Variants in VPS13C observed in about 807,000 individuals in gnomAD.
VPS13C encodes vacuolar protein sorting 13 homolog C.
Under a neutral mutation model 456.8 loss-of-function variants are expected in VPS13C, and 358 were observed. The ratio of observed to expected loss-of-function variants is 0.78; its 90% CI spans 0.72 to 0.86. VPS13C has a LOEUF of 0.86. Ranked by LOEUF, VPS13C falls within the 40% of genes least tolerant of loss-of-function variation. The probability of loss-of-function intolerance (pLI) is 0.00; values close to 1 mark genes in which losing one functional copy is unlikely to be tolerated. For synonymous variants in VPS13C, 1,578 were observed against 1,486.7 expected, an observed-to-expected ratio of 1.06 and a Z score of -1.41; for missense variants, 4,818 against 4,385.4, an observed-to-expected ratio of 1.10 and a Z score of -2.79.
At position 61,982,580 on chromosome 15, in the gene VPS13C, G is replaced by C. The variant is rs2045920677; in HGVS notation, c.1915-7C>G. ...CCACTGCATTGACAGTTTTCTATAA[G>C]AAAATTTTTTTAACATAACCAAGTT... is the stretch of plus-strand genomic sequence containing the variant. On this transcript the variant is annotated splice_polypyrimidine_tract_variant and splice_region_variant and intron_variant, in intron 20 of 84. Transcript: ENST00000644861. 1 of 1,590,284 alleles carries C rather than the reference G, an allele frequency of 6.3e-7. No individual in the cohort carries two copies. Among genetic ancestry groups the C allele is most frequent in the Non-Finnish European group, 8.5e-7 (1 of 1,172,700 alleles).
chr15:61,920,571 T>A lies in VPS13C; in HGVS notation c.7139A>T (p.His2380Leu), dbSNP rs139993005. The A allele has an allele frequency of 6.8e-5, 107 of 1,585,032 alleles. 1 individual carries two copies. In the South Asian group the frequency reaches 1.2e-3, roughly 18 times the overall value. ...DFIPEPQMAI[H>L]ISSGNTMNIT... is the part of the protein sequence containing the mutation. The stretch of plus-strand genomic sequence containing the variant: ...ATTCATTGTATTTCCTGAAGAAATA[T>A]GAATTGCCATTTGTGGCTCAGGAAT... The change falls in exon 56 of 85, where the codon CAT (histidine) becomes CTT (leucine). Residue 2380 changes from histidine to leucine, a missense_variant. Around this residue, in one of 3 missense-constraint regions of VPS13C, gnomAD observed 4,552 missense variants for 4,130.6 expected, o/e 1.10. Coordinates refer to ENST00000644861, the MANE Select transcript of VPS13C (RefSeq NM_020821.3).
At chr15:61,904,230 A>C (rs1464127234) in intron 66 of VPS13C, among the ~76,000 whole-genome samples, 1 of 152,024 alleles carries the variant, frequency 6.6e-6, no homozygotes, top group Non-Finnish European at 1.5e-5. Flanking sequence ...CTATCTGTCT[A>C]ATAAGAGATT....
At chr15:61,916,380 C>T (rs1307071473) in intron 60 of VPS13C, among the ~76,000 whole-genome samples, 1 of 152,120 alleles carries the variant, frequency 6.6e-6, no homozygotes, top group Non-Finnish European at 1.5e-5. Flanking sequence ...CAGTTTTATC[C>T]TCTAATTATA....
chr15:62,035,819 C>T (rs2047977676), intron 3 of VPS13C, among the ~76,000 whole-genome samples: 1 of 151,962 alleles, frequency 6.6e-6, no homozygotes, highest in Non-Finnish European at 1.5e-5. Context: ...GGTGAGCCCA[C>T]AAAAAACTTT....
rs1296911975 is a variant in VPS13C at position 61,853,227 on chromosome 15, T to C, written c.*1230A>G. ...ACAACCAAAGAATTTTCATTCTTCT[T>C]AGTAAGTATTTAAAATACATTCTAG... On this transcript the variant is annotated 3_prime_UTR_variant, in exon 85 of 85. Transcript: ENST00000644861. The C allele has an allele frequency of 2.6e-5, 4 of 152,200 alleles. No individual in the cohort carries two copies. The highest frequency in any genetic ancestry group is 9.6e-5 in the African/African-American group (4 of 41,452). The allele number at this position is 152,200 out of a possible 1,614,324, so 9.4% of individuals were successfully genotyped here. A position where few individuals can be genotyped will look rare whatever the true frequency, so the allele number is the denominator to read the frequency against.
rs139167388 is a variant in VPS13C, at chr15:61,922,020, T to C, written c.6989A>G (p.Asn2330Ser). Reference protein sequence around the residue: ...ADVTLQVHYYNEIHAVWEPLI... With the variant: ...ADVTLQVHYYSEIHAVWEPLI... The stretch of plus-strand genomic sequence containing the variant: ...TGGCTCCCAGACAGCATGGATCTCA[T>C]TGTAATAGTGCACCTGGAAAGATAC... The change falls in exon 55 of 85, where the codon AAT becomes AGT. Residue 2330 changes from asparagine (N) to serine (S), a missense_variant. By Grantham distance (46) the Asn-to-Ser change is conservative. Around this residue, in one of 3 missense-constraint regions of VPS13C, gnomAD observed 4,552 missense variants for 4,130.6 expected, o/e 1.10. Transcript: ENST00000644861. The C allele has an allele frequency of 5.6e-6, 9 of 1,613,470 alleles. No individual in the cohort carries two copies. The highest frequency in any genetic ancestry group is 5.3e-5 in the African/African-American group (4 of 74,932).
intron 51 of VPS13C, among the ~76,000 whole-genome samples, chr15:61,929,077 A>G (rs1422165632): frequency 6.6e-6 from 1 of 152,228 alleles, no homozygotes; most frequent in African/African-American, 2.4e-5. Flanking sequence ...ACAGAGTTTA[A>G]GGAGTTAAAG....
chr15:61,959,499 C>A lies in VPS13C; in HGVS notation c.4005G>T (p.Trp1335Cys), dbSNP rs1188375042. 3.7e-6 allele frequency: 6 copies of A among 1,612,968 alleles called. No individual in the cohort carries two copies. The highest frequency in any genetic ancestry group is 5.1e-6 in the Non-Finnish European group (6 of 1,179,284). Residue 1335 changes from tryptophan (W) to cysteine (C), a missense_variant, in exon 36 of 85, where the codon TGG (tryptophan) becomes TGT (cysteine). Physicochemically the swap from Trp to Cys is radical, Grantham distance 215. Around this residue, in one of 3 missense-constraint regions of VPS13C, gnomAD observed 4,552 missense variants for 4,130.6 expected, o/e 1.10. Transcript: ENST00000644861. Reference protein sequence around the residue: ...FLVNRNLAASWYHKVPVVEIK... With the variant: ...FLVNRNLAASCYHKVPVVEIK... ...TTTCCACAACAGGCACCTTGTGGTA[C>A]CAAGATGCAGCTAGATTCCGATTTA... is the stretch of plus-strand genomic sequence containing the variant.
At chr15:61,947,378 A>T (rs2044641715) in intron 42 of VPS13C, 69 bp from the exon 43 acceptor site, 2 of 1,159,904 alleles carry the variant, frequency 1.7e-6, no homozygotes, top group Non-Finnish European at 2.5e-6. Context: ...ATAACCTCAA[A>T]TCCACCAAAA....
At chr15:61,863,757 G>T (rs1894356587) in intron 81 of VPS13C, 1 of 346,560 alleles carries the variant, frequency 2.9e-6, no homozygotes, top group African/African-American at 2.1e-5. Flanking sequence ...TTACCAAGTG[G>T]TCTTCTGGTA....
intron 45 of VPS13C, among the ~76,000 whole-genome samples, chr15:61,944,768 A>C (rs2140269970): frequency 6.6e-6 from 1 of 152,308 alleles, no homozygotes; most frequent in Non-Finnish European, 1.5e-5. Context: ...CCCTGAATCT[A>C]AAATAGTTGG....
chr15:62,023,785 G>C lies in VPS13C; in HGVS notation c.509C>G (p.Ser170Ter). Residue 170 changes from serine to a stop codon, truncating the protein, a stop_gained, in exon 7 of 85, where the codon TCA (serine) becomes TGA (stop). Coordinates refer to ENST00000644861, the MANE Select transcript of VPS13C (RefSeq NM_020821.3). LOFTEE classifies it high-confidence loss of function. Reference protein sequence around the residue: ...FKKPFKGLDRSKDKPKEAKKD... With the variant: ...FKKPFKGLDR ...ATAAAACTACTTTTACCTACCTTTT[G>C]AACGATCAAGACCTTTAAAAGGTTT... 1.2e-6 allele frequency: 2 copies of C among 1,609,726 alleles called. No homozygotes were observed. Among genetic ancestry groups the C allele is most frequent in the Non-Finnish European group, 8.5e-7 (1 of 1,177,538 alleles).
intron 37 of VPS13C, among the ~76,000 whole-genome samples, chr15:61,956,691 T>C (rs780414203): frequency 1.3e-5 from 2 of 152,092 alleles, no homozygotes; most frequent in Non-Finnish European, 2.9e-5. Context: ...AATAACCATA[T>C]GAAAAGGTGA....
At chr15:61,897,575 A>C (rs1453446961) in intron 66 of VPS13C, among the ~76,000 whole-genome samples, 1 of 152,180 alleles carries the variant, frequency 6.6e-6, no homozygotes, top group African/African-American at 2.4e-5. Context: ...AGAAATGAGC[A>C]AAGCCTCCAA....
chr15:61,917,577 T>C lies in VPS13C; in HGVS notation c.7819A>G (p.Thr2607Ala), dbSNP rs2043512489. The C allele has an allele frequency of 1.2e-6, 2 of 1,613,954 alleles. No individual in the cohort carries two copies. The highest frequency in any genetic ancestry group is 8.5e-7 in the Non-Finnish European group (1 of 1,179,874). The change falls in exon 60 of 85, where the codon ACT becomes GCT. Residue 2607 changes from threonine (T) to alanine (A), a missense_variant. Thr to Ala is a moderately conservative substitution (Grantham distance 58). This residue lies in a region of VPS13C where 4,552 missense variants were observed against 4,130.6 expected (regional missense o/e 1.10). Coordinates refer to ENST00000644861, the MANE Select transcript of VPS13C (RefSeq NM_020821.3). Reference sequence around the variant, plus strand: ...AGTTCTTCCTTCCAGGAAATATAAGTGGTAGATTCTTTGTACTGATGCTCT... The same window carrying C: ...AGTTCTTCCTTCCAGGAAATATAAGCGGTAGATTCTTTGTACTGATGCTCT... The part of the protein sequence containing the change: ...ILEHQYKEST[T>A]YISWKEELHR...
chr15:61,962,546 A>T lies in VPS13C; in HGVS notation c.3436-8T>A. The T allele has an allele frequency of 6.2e-7, 1 of 1,606,198 alleles. No homozygotes were observed. Among genetic ancestry groups the T allele is most frequent in the South Asian group, 1.1e-5 (1 of 89,350 alleles). On this transcript the variant is annotated splice_polypyrimidine_tract_variant and splice_region_variant and intron_variant, in intron 33 of 84. Transcript: ENST00000644861. ...TCCCATTATTGACACAGCCTGAAAA[A>T]CAGAGACTTGAATGTACTCTATCCG...
rs1294389669 is a variant in VPS13C at position 61,872,706 on chromosome 15, T to A, written c.10578+540A>T. Among the ~76,000 whole-genome samples, 25 of 151,954 alleles carry A rather than the reference T, an allele frequency of 1.6e-4. 1 individual carries two copies. Among genetic ancestry groups the A allele is most frequent in the Admixed American group, 1.6e-3 (25 of 15,234 alleles). On this transcript the variant is annotated intron_variant, in intron 78 of 84. Transcript: ENST00000644861. ...GATACACACTTAAATTGGAAACAGATGAGATGATTAGGGTATTCTAGCCTT... is the reference window on the plus strand; with the variant it reads ...GATACACACTTAAATTGGAAACAGAAGAGATGATTAGGGTATTCTAGCCTT...
intron 67 of VPS13C, among the ~76,000 whole-genome samples, chr15:61,884,748 A>T (rs1896144685): frequency 6.6e-6 from 1 of 152,098 alleles, no homozygotes; most frequent in Non-Finnish European, 1.5e-5. Context: ...ACCAAAATCT[A>T]TTGTAAATGT....
At chr15:61,963,776 G>C in intron 32 of VPS13C, 59 bp downstream of exon 32, 1 of 1,260,774 alleles carries the variant, frequency 7.9e-7, no homozygotes, top group African/African-American at 1.5e-5. Context: ...ATTGCAAAGA[G>C]ACAAAAAGAA....
Sources: allele counts gnomAD v4.1 joint callset (sites outside exome capture counted in the v4.1 genomes callset), GRCh38; gene constraint gnomAD v4.1.1; regional missense constraint gnomAD v4.1.1; transcripts MANE v1.5; gene names NCBI Gene and HGNC (gene_info 2026-07-23, HGNC 2026-07-21).